HTR1F: variants seen among roughly 807,000 people sequenced by gnomAD.
The protein encoded by HTR1F is 5-hydroxytryptamine receptor 1F, also known as 5-hydroxytryptamine (serotonin) receptor 1F, G protein-coupled.
HTR1F carries 17 observed loss-of-function variants against 24.0 expected under a neutral mutation model. The ratio of observed to expected loss-of-function variants is 0.71; its 90% CI spans 0.48 to 1.06. The LOEUF (loss-of-function observed/expected upper bound fraction) is 1.06. Ranked by LOEUF, HTR1F falls within the 50% of genes least tolerant of loss-of-function variation. The pLI, the probability that HTR1F is intolerant of heterozygous loss-of-function variation, is 0.00. For missense variants in HTR1F, 391 were observed against 427.8 expected (o/e 0.91, Z 0.76); for synonymous variants, 186 against 156.8 (o/e 1.19, Z -1.39).
intron 2 of HTR1F, among the ~76,000 whole-genome samples, chr3:87,835,951 C>G (rs1331259439): frequency 6.6e-6 from 1 of 152,132 alleles, no homozygotes; most frequent in Admixed American, 6.5e-5. Flanking sequence ...GCAAAGGACC[C>G]TAACTTGATA....
chr3:87,887,020 C>T (rs1429586638), intron 2 of HTR1F, among the ~76,000 whole-genome samples: 1 of 152,132 alleles, frequency 6.6e-6, no homozygotes, highest in Non-Finnish European at 1.5e-5. Context: ...ATTGCCAAGA[C>T]AACCCTAAGC....
At chr3:87,884,099 G>T (rs1705877662) in intron 2 of HTR1F, among the ~76,000 whole-genome samples, 1 of 152,092 alleles carries the variant, frequency 6.6e-6, no homozygotes, top group African/African-American at 2.4e-5. Flanking sequence ...AGAAAGAAAG[G>T]TTGGATTACT....
Position 87,976,773 on chromosome 3 carries a change from C to A in HTR1F, c.-42-13935C>A, listed in dbSNP as rs1342585225. On this transcript the variant is annotated intron_variant, in intron 2 of 2. Coordinates refer to ENST00000319595, the MANE Select transcript of HTR1F (RefSeq NM_001322209.2). ...GTTTTAAAATATTTTTCATATCTTGCACGTAGTTAAATATCAACTTTTTAG... is the reference window on the plus strand; with the variant it reads ...GTTTTAAAATATTTTTCATATCTTGAACGTAGTTAAATATCAACTTTTTAG... Among the ~76,000 whole-genome samples, 3 of 152,124 alleles carry A rather than the reference C, an allele frequency of 2.0e-5. No individual in the cohort carries two copies. In the East Asian group the frequency reaches 5.8e-4, roughly 29 times the overall value.
intron 2 of HTR1F, among the ~76,000 whole-genome samples, chr3:87,981,809 G>A (rs1255589125): frequency 2.0e-5 from 3 of 152,136 alleles, no homozygotes; most frequent in Non-Finnish European, 1.5e-5. Context: ...TGTCATTGTT[G>A]CAATTTAATT....
Position 87,991,008 on chromosome 3 carries a change from G to C in HTR1F, c.259G>C (p.Glu87Gln), listed in dbSNP as rs151295145. 32 of 1,614,018 alleles carry C rather than the reference G, an allele frequency of 2.0e-5. No individual in the cohort carries two copies. In the African/African-American group the frequency reaches 4.1e-4, roughly 21 times the overall value. ...MPFSIVYIVR[E>Q]SWIMGQVVCD... ...CTTCAGCATTGTGTATATTGTGAGA[G>C]AGAGCTGGATTATGGGGCAAGTGGT... is the stretch of plus-strand genomic sequence containing the variant. Residue 87 changes from glutamate to glutamine, a missense_variant, in exon 3 of 3, where the codon GAG (glutamate) becomes CAG (glutamine). Glu to Gln is a conservative substitution (Grantham distance 29, BLOSUM62 2). Coordinates refer to ENST00000319595, the MANE Select transcript of HTR1F (RefSeq NM_001322209.2).
intron 2 of HTR1F, among the ~76,000 whole-genome samples, chr3:87,846,370 G>A (rs1704944201): frequency 6.6e-6 from 1 of 151,782 alleles, no homozygotes; most frequent in African/African-American, 2.4e-5. Context: ...GGAGGCAGAG[G>A]TTGTTGCAGT....
chr3:87,904,977 T>G (rs1703628335), intron 2 of HTR1F, among the ~76,000 whole-genome samples: 1 of 151,990 alleles, frequency 6.6e-6, no homozygotes, highest in Non-Finnish European at 1.5e-5. Context: ...CAGTGATGAA[T>G]TATGTATTCT....
chr3:87,951,419 A>C (rs1704831123), intron 2 of HTR1F, among the ~76,000 whole-genome samples: 1 of 152,138 alleles, frequency 6.6e-6, no homozygotes, highest in Non-Finnish European at 1.5e-5. Flanking sequence ...AGCATGAGGA[A>C]GTTGACACCA....
chr3:87,891,527 C>A (rs143770385), intron 2 of HTR1F, among the ~76,000 whole-genome samples: 3 of 152,238 alleles, frequency 2.0e-5, no homozygotes, highest in African/African-American at 7.2e-5. Flanking sequence ...TTTCTTATAA[C>A]AATGGAACTT....
At chr3:87,884,738 A>C (rs1214390465) in intron 2 of HTR1F, among the ~76,000 whole-genome samples, 1 of 152,222 alleles carries the variant, frequency 6.6e-6, no homozygotes, top group Non-Finnish European at 1.5e-5. Context: ...ACAAAGATCA[A>C]AAGGGACAAA....
At chr3:87,932,777 A>C (rs543808574) in intron 2 of HTR1F, among the ~76,000 whole-genome samples, 1 of 151,914 alleles carries the variant, frequency 6.6e-6, no homozygotes, top group South Asian at 2.1e-4. Flanking sequence ...CAGAGGTACA[A>C]GGAGGAGATG....
At chr3:87,862,459 C>T (rs1420034250) in intron 2 of HTR1F, among the ~76,000 whole-genome samples, 1 of 152,176 alleles carries the variant, frequency 6.6e-6, no homozygotes, top group Non-Finnish European at 1.5e-5. Flanking sequence ...CATCTTGTAT[C>T]TTACCTACAG....
chr3:87,842,647 A>C (rs931287987), intron 2 of HTR1F, among the ~76,000 whole-genome samples: 1 of 152,012 alleles, frequency 6.6e-6, no homozygotes, highest in African/African-American at 2.4e-5. Flanking sequence ...ATGAAATATT[A>C]CCACATATAT....
chr3:87,966,658 A>C (rs1403486180), intron 2 of HTR1F, among the ~76,000 whole-genome samples: 2 of 136,448 alleles, frequency 1.5e-5, no homozygotes, highest in Admixed American at 1.4e-4. Flanking sequence ...TCTAAGAATT[A>C]AAATAAATAC....
intron 2 of HTR1F, among the ~76,000 whole-genome samples, chr3:87,937,928 GAAAA>G (rs57450022): frequency 1.7e-5 from 2 of 114,392 alleles, no homozygotes; most frequent in African/African-American, 3.0e-5. Flanking sequence ...CATCTCAAAA[GAAAA>G]AAAAAAAAAA....
At chr3:87,807,114 C>T (rs1279961919) in intron 1 of HTR1F, among the ~76,000 whole-genome samples, 1 of 151,784 alleles carries the variant, frequency 6.6e-6, no homozygotes, top group Non-Finnish European at 1.5e-5. Context: ...TATTTGGGCT[C>T]TTTTAGTTTC....
Position 87,891,237 on chromosome 3 carries a change from C to A in HTR1F, c.-43+69113C>A, listed in dbSNP as rs183799094. Among the ~76,000 whole-genome samples, 8 of 152,136 alleles carry A rather than the reference C, an allele frequency of 5.3e-5. No homozygotes were observed. The East Asian group carries it at 1.2e-3, about 22-fold the overall frequency. ...ATTTGTTAAAATTATAATTTAAATTCTTTTCAAATCTTCAAAGAGATATCT... is the reference window on the plus strand; with the variant it reads ...ATTTGTTAAAATTATAATTTAAATTATTTTCAAATCTTCAAAGAGATATCT... On this transcript the variant is annotated intron_variant, in intron 2 of 2. Coordinates refer to ENST00000319595, the MANE Select transcript of HTR1F (RefSeq NM_001322209.2).
intron 2 of HTR1F, among the ~76,000 whole-genome samples, chr3:87,912,633 C>CAAAA (rs35147140): frequency 2.8e-4 from 24 of 84,490 alleles, no homozygotes; most frequent in Non-Finnish European, 3.2e-4. Context: ...CAATCCTAGG[C>CAAAA]AAAAAAAAAA....
intron 2 of HTR1F, among the ~76,000 whole-genome samples, chr3:87,831,520 G>T (rs1704579928): frequency 6.6e-6 from 1 of 151,650 alleles, no homozygotes; most frequent in Admixed American, 6.6e-5. Context: ...CGGCCACCAC[G>T]CCCGGCTAAT....
Sources: gnomAD v4.1 joint callset for allele counts (sites outside exome capture counted in the v4.1 genomes callset) on GRCh38, gnomAD v4.1.1 for gene constraint, MANE v1.5 for transcripts, NCBI Gene and HGNC (gene_info 2026-07-23, HGNC 2026-07-21) for gene names.